The following DMD variants were observed in gnomAD, a reference collection of about 807,000 sequenced individuals.
The protein encoded by DMD is mutant dystrophin.
Under a neutral mutation model 330.1 loss-of-function variants are expected in DMD, and 63 were observed. The ratio of observed to expected loss-of-function variants is 0.19; its 90% CI spans 0.16 to 0.24. DMD has a LOEUF of 0.24. DMD is among the 10% of genes least tolerant of loss of function. The pLI is 1.00. For synonymous variants in DMD, 1,223 were observed against 959.8 expected (o/e 1.27, Z -5.07); for missense variants, 3,344 against 2,684.1 (o/e 1.25, Z -5.43).
At chrX:32,289,820 A>G (rs1369285032) in intron 42 of DMD, among the ~76,000 whole-genome samples, 1 of 111,461 alleles carries the variant, frequency 9.0e-6, no homozygotes, top group African/African-American at 3.3e-5. Flanking sequence ...TTCCCAGAAA[A>G]CTCATGAATA....
intron 44 of DMD, among the ~76,000 whole-genome samples, chrX:32,126,654 CAT>C (rs2096663288): frequency 8.9e-6 from 1 of 111,889 alleles, no homozygotes; most frequent in Admixed American, 9.5e-5. Flanking sequence ...GGGGCAAATT[CAT>C]ATGTTTAATT....
At chrX:32,967,755 T>A (rs1288646092) in intron 2 of DMD, among the ~76,000 whole-genome samples, 9 of 111,893 alleles carry the variant, frequency 8.0e-5, no homozygotes, top group African/African-American at 2.9e-4. Context: ...TCATCTTTTT[T>A]TCCTTCCTTT....
intron 48 of DMD, among the ~76,000 whole-genome samples, chrX:31,845,249 G>C (rs1436918925): frequency 9.0e-6 from 1 of 110,957 alleles, no homozygotes; most frequent in African/African-American, 3.3e-5. Flanking sequence ...CAGGCAGAGG[G>C]AAAAGCAAGT....
At chrX:32,612,793 A>C (rs938396898) in intron 12 of DMD, among the ~76,000 whole-genome samples, 16 of 111,315 alleles carry the variant, frequency 1.4e-4, no homozygotes, top group African/African-American at 4.9e-4. Flanking sequence ...CTGATGGCAT[A>C]GCAGACGGGG....
chrX:32,782,749 CAA>C (rs1187237219), intron 7 of DMD, among the ~76,000 whole-genome samples: 2 of 109,665 alleles, frequency 1.8e-5, no homozygotes, highest in African/African-American at 3.3e-5. Context: ...AAAATAACTT[CAA>C]GAGTGTAATT....
intron 7 of DMD, among the ~76,000 whole-genome samples, chrX:32,757,239 C>G (rs2071618760): frequency 9.0e-6 from 1 of 111,246 alleles, no homozygotes; most frequent in Non-Finnish European, 1.9e-5. Context: ...TAACTATAGT[C>G]TTGTTATATA....
At chrX:31,218,980 C>T in intron 64 of DMD, among the ~76,000 whole-genome samples, 1 of 111,337 alleles carries the variant, frequency 9.0e-6, no homozygotes, top group East Asian at 2.8e-4. Flanking sequence ...AATTCACATC[C>T]ACTCTACCTC....
At chrX:32,003,094 T>C (rs1354428037) in intron 44 of DMD, among the ~76,000 whole-genome samples, 1 of 112,007 alleles carries the variant, frequency 8.9e-6, no homozygotes. Flanking sequence ...AAGTAATGCA[T>C]AAACAAAAAC....
intron 44 of DMD, among the ~76,000 whole-genome samples, chrX:32,167,964 G>A (rs1283649528): frequency 8.9e-6 from 1 of 112,256 alleles, no homozygotes; most frequent in African/African-American, 3.2e-5. Context: ...TGTGTTAAAT[G>A]TACATTTTCA....
At position 32,844,819 on chromosome X, in the gene DMD, A is replaced by G; in HGVS notation, c.228T>C (p.Asn76=). The G allele has an allele frequency of 1.7e-6, 2 of 1,211,754 alleles. No individual in the cohort carries two copies. Among genetic ancestry groups the G allele is most frequent in the Non-Finnish European group, 2.2e-6 (2 of 895,352 alleles). Residue 76 remains asparagine, a synonymous_variant, in exon 4 of 79, where the codon AAT becomes AAC. Transcript: ENST00000357033. ...GCAAAACCCGCAGTGCCTTGTTGACATTGTTCAGGGCATGAACTCTTGTGG... is the reference window on the plus strand; with the variant it reads ...GCAAAACCCGCAGTGCCTTGTTGACGTTGTTCAGGGCATGAACTCTTGTGG... ...KGSTRVHALN[N]VNKALRVLQN... is the part of the protein sequence containing the mutation.
At chrX:31,214,194 A>C (rs1157734350) in intron 64 of DMD, among the ~76,000 whole-genome samples, 2 of 112,649 alleles carry the variant, frequency 1.8e-5, no homozygotes, top group African/African-American at 3.2e-5. Context: ...ACCAGTTACA[A>C]TTAAAAAGAT....
intron 1 of DMD, among the ~76,000 whole-genome samples, chrX:33,336,001 T>G (rs2054248185): frequency 9.0e-6 from 1 of 111,315 alleles, no homozygotes; most frequent in South Asian, 3.7e-4. Flanking sequence ...AATCACAGCA[T>G]ATATTATCTT....
chrX:31,475,310 G>A (rs1456407208), intron 59 of DMD, among the ~76,000 whole-genome samples: 1 of 112,111 alleles, frequency 8.9e-6, no homozygotes, highest in Non-Finnish European at 1.9e-5. Context: ...ATAAGACAGG[G>A]AAACTAAAAG....
intron 2 of DMD, among the ~76,000 whole-genome samples, chrX:32,875,719 T>A (rs1295310206): frequency 8.9e-6 from 1 of 112,123 alleles, no homozygotes; most frequent in Non-Finnish European, 1.9e-5. Flanking sequence ...AAATTTCAAT[T>A]CAATCACTGC....
intron 43 of DMD, among the ~76,000 whole-genome samples, chrX:32,217,919 AC>A (rs2097119165): frequency 8.9e-6 from 1 of 112,141 alleles, no homozygotes; most frequent in Non-Finnish European, 1.9e-5. Context: ...GCATTAAATA[AC>A]CGATATACTA....
chrX:31,713,576 T>G (rs1166350396), intron 52 of DMD, among the ~76,000 whole-genome samples: 2 of 111,995 alleles, frequency 1.8e-5, no homozygotes, highest in Admixed American at 1.9e-4. Context: ...AATGAAGTAA[T>G]GAACAATGAA....
In DMD at chrX:32,485,065, T is replaced by A. The variant is rs1176319357; in HGVS notation, c.2657A>T (p.Gln886Leu). 1 of 1,211,486 alleles carries A rather than the reference T, an allele frequency of 8.3e-7. No homozygotes were observed. Among genetic ancestry groups the A allele is most frequent in the African/African-American group, 1.7e-5 (1 of 57,828 alleles). The change falls in exon 21 of 79, where the codon CAA becomes CTA. Residue 886 changes from glutamine (Q) to leucine (L), a missense_variant. Physicochemically the swap from Gln to Leu is moderately radical, Grantham distance 113. Coordinates refer to ENST00000357033, the MANE Select transcript of DMD (RefSeq NM_004006.3). ...EVNRLSDLQP[Q>L]IERLKIQSIA... ...GCTTTGAATTTTTAATCGTTCAATT[T>A]GAGGTTGAAGATCTGATAGCCGGTT...
intron 13 of DMD, among the ~76,000 whole-genome samples, chrX:32,592,832 G>C (rs2055078116): frequency 8.9e-6 from 1 of 112,106 alleles, no homozygotes; most frequent in Non-Finnish European, 1.9e-5. Context: ...TGGTGTCTCT[G>C]AGCTTTCAGG....
intron 63 of DMD, among the ~76,000 whole-genome samples, chrX:31,255,769 C>CTTTTTTTT (rs146884145): frequency 3.9e-5 from 2 of 50,818 alleles, no homozygotes; most frequent in Non-Finnish European, 6.6e-5. Context: ...AATATCGTTA[C>CTTTTTTTT]TTTTTTTTTT....
Sources: gnomAD v4.1 joint callset for allele counts (sites outside exome capture counted in the v4.1 genomes callset) on GRCh38, gnomAD v4.1.1 for gene constraint, MANE v1.5 for transcripts, NCBI Gene and HGNC (gene_info 2026-07-23, HGNC 2026-07-21) for gene names.